The following CHL1 variants were observed in gnomAD, a reference collection of about 807,000 sequenced individuals.
The protein encoded by CHL1 is cell adhesion molecule L1 like.
A neutral mutation model predicts 141.9 loss-of-function variants in CHL1; 96 were observed. That is an observed-to-expected ratio of 0.68 (90% CI 0.57 to 0.80). CHL1 has a LOEUF of 0.80. CHL1 is among the 30% of genes least tolerant of loss of function. The pLI is 0.00. For synonymous variants in CHL1, 613 were observed against 502.2 expected (o/e 1.22, Z -2.95); for missense variants, 1,820 against 1,457.2 (o/e 1.25, Z -4.05).
In CHL1 at chr3:390,706, G is replaced by A. The variant is rs1490311041; in HGVS notation, c.2476G>A (p.Asp826Asn). ...CAATCTTCTATGATTAACAGATCCT[G>A]ATACAGCTCCAGTGATCCATGGGGT... ...VTLYSGEDYPDTAPVIHGVDV... is the reference protein window; with the variant it reads ...VTLYSGEDYPNTAPVIHGVDV... The change falls in exon 21 of 28, where the codon GAT (aspartate) becomes AAT (asparagine). Residue 826 changes from aspartate to asparagine, a missense_variant. Asp to Asn is a conservative substitution (Grantham distance 23). Coordinates refer to ENST00000256509, the MANE Select transcript of CHL1 (RefSeq NM_006614.4). 1 of 1,557,688 alleles carries A rather than the reference G, an allele frequency of 6.4e-7. No homozygotes were observed. Among genetic ancestry groups the A allele is most frequent in the South Asian group, 1.1e-5 (1 of 89,722 alleles).
At chr3:223,940 T>G (rs1393555309) in intron 1 of CHL1, among the ~76,000 whole-genome samples, 1 of 152,152 alleles carries the variant, frequency 6.6e-6, no homozygotes, top group Non-Finnish European at 1.5e-5. Flanking sequence ...CAGATCCTGG[T>G]GGAGTCAGCT....
chr3:367,791 G>C (rs1441968714), intron 15 of CHL1, among the ~76,000 whole-genome samples: 1 of 151,932 alleles, frequency 6.6e-6, no homozygotes, highest in Non-Finnish European at 1.5e-5. Context: ...CCCTCCCCTT[G>C]CCCTCCACAC....
intron 1 of CHL1, chr3:197,637 G>GC (rs770994642): frequency 8.2e-6 from 3 of 366,460 alleles, no homozygotes; most frequent in East Asian, 1.5e-4. Flanking sequence ...GCCCGGGGGG[G>GC]GTTCCGAAAA....
chr3:301,091 T>A (rs533928052), intron 2 of CHL1, among the ~76,000 whole-genome samples: 100 of 152,250 alleles, frequency 6.6e-4, no homozygotes, highest in Non-Finnish European at 1.1e-3. Context: ...TTCCATTTTT[T>A]AAAAATATTA....
intron 2 of CHL1, among the ~76,000 whole-genome samples, chr3:265,511 A>C (rs1034620314): frequency 6.6e-6 from 1 of 152,212 alleles, no homozygotes; most frequent in Non-Finnish European, 1.5e-5. Context: ...CCTTTTAGTC[A>C]AAAAATGCAC....
intron 26 of CHL1, among the ~76,000 whole-genome samples, chr3:401,187 C>A (rs1286471307): frequency 1.3e-5 from 2 of 152,156 alleles, no homozygotes; most frequent in Non-Finnish European, 2.9e-5. Context: ...CAGGCATGAG[C>A]CACCACATCC....
chr3:216,995 G>A (rs1012371410), intron 1 of CHL1, among the ~76,000 whole-genome samples: 3 of 152,172 alleles, frequency 2.0e-5, no homozygotes, highest in African/African-American at 7.2e-5. Flanking sequence ...TTTGTGCTCA[G>A]TCTGCTACAA....
rs1163184474 is a variant in CHL1 at position 196,981 on chromosome 3, C to T, written c.-257C>T. 2 of 152,254 alleles carry T rather than the reference C, an allele frequency of 1.3e-5. No homozygotes were observed. The highest frequency in any genetic ancestry group is 2.4e-5 in the African/African-American group (1 of 41,446). 9.4% of individuals were successfully genotyped at this position (152,254 alleles called of 1,614,324 possible). ...CCAGAGCTTACCGGACCCTGCGCGCCCCCGTCCCGGCTCCCGGCCGGCTCG... is the reference window on the plus strand; with the variant it reads ...CCAGAGCTTACCGGACCCTGCGCGCTCCCGTCCCGGCTCCCGGCCGGCTCG... On this transcript the variant is annotated 5_prime_UTR_variant, in exon 1 of 28. Transcript: ENST00000256509.
intron 1 of CHL1, among the ~76,000 whole-genome samples, chr3:221,132 C>T (rs574208464): frequency 2.0e-5 from 3 of 152,242 alleles, no homozygotes; most frequent in African/African-American, 7.2e-5. Context: ...CAGAATGAAC[C>T]AATGTACATG....
At chr3:405,474 T>A (rs373583207) in intron 27 of CHL1, 21 bp from the exon 28 acceptor site, 22 of 1,508,838 alleles carry the variant, frequency 1.5e-5, no homozygotes, top group Non-Finnish European at 1.9e-5. Flanking sequence ...GTTGAGCTAT[T>A]TTTGTTTGTT....
In CHL1 at chr3:370,565, A is replaced by G. The variant is rs141429136; in HGVS notation, c.1751+4450A>G. ...AAAAAAAAAACCAGCTCCTGGATTC[A>G]TTTATTTTTTTGGAGGGTTTTTCAT... On this transcript the variant is annotated intron_variant, in intron 15 of 27. Coordinates refer to ENST00000256509, the MANE Select transcript of CHL1 (RefSeq NM_006614.4). 2.8e-4 allele frequency among the ~76,000 whole-genome samples: 41 copies of G among 146,844 alleles called. No individual in the cohort carries two copies. The East Asian group carries it at 7.9e-3, about 28-fold the overall frequency.
At chr3:329,591 A>T (rs934957612) in intron 5 of CHL1, among the ~76,000 whole-genome samples, 2 of 152,000 alleles carry the variant, frequency 1.3e-5, no homozygotes, top group African/African-American at 4.8e-5. Flanking sequence ...AGAGAAAAAA[A>T]GTAAGACAAG....
intron 2 of CHL1, among the ~76,000 whole-genome samples, chr3:291,271 T>G (rs1163793273): frequency 1.3e-5 from 2 of 152,058 alleles, no homozygotes; most frequent in African/African-American, 4.8e-5. Flanking sequence ...ACACAAAACT[T>G]AAACTCATAA....
At chr3:255,910 G>T (rs953885388) in intron 2 of CHL1, among the ~76,000 whole-genome samples, 1 of 152,250 alleles carries the variant, frequency 6.6e-6, no homozygotes. Flanking sequence ...TGAACCATCG[G>T]TTTTTTACAC....
intron 2 of CHL1, chr3:309,074 A>G (rs1040249608): frequency 6.6e-6 from 1 of 152,212 alleles, no homozygotes; most frequent in African/African-American, 2.4e-5. Context: ...GCTGTGGGTC[A>G]CACGCAGACA....
chr3:360,757 A>G (rs1413311451), intron 12 of CHL1, among the ~76,000 whole-genome samples: 2 of 85,896 alleles, frequency 2.3e-5, no homozygotes, highest in African/African-American at 1.0e-4. Context: ...CCACCCCACA[A>G]CAGTCCCCAG....
At position 405,543 on chromosome 3, in the gene CHL1, G is replaced by T. The variant is rs1401484709; in HGVS notation, c.3507G>T (p.Arg1169Ser). The T allele has an allele frequency of 6.2e-7, 1 of 1,613,240 alleles. No individual in the cohort carries two copies. The highest frequency in any genetic ancestry group is 8.5e-7 in the Non-Finnish European group (1 of 1,179,494). The change falls in exon 28 of 28, where the codon AGG becomes AGT. Residue 1169 changes from arginine to serine, a missense_variant. Arg to Ser is a moderately radical substitution (Grantham distance 110). Transcript: ENST00000256509. ...AAGGAAGCCTTCGGTCCCTTAATAG[G>T]GATATGCAGCCTACTGAAAGTGCTG... is the stretch of plus-strand genomic sequence containing the variant. ...PLKGSLRSLNRDMQPTESADS... is the reference protein window; with the variant it reads ...PLKGSLRSLNSDMQPTESADS...
In CHL1 at chr3:408,601, G is replaced by A. The variant is rs1036344953; in HGVS notation, c.*2890G>A. The A allele has an allele frequency of 2.0e-5, 3 of 152,022 alleles. No homozygotes were observed. Among genetic ancestry groups the A allele is most frequent in the Non-Finnish European group, 2.9e-5 (2 of 67,986 alleles). 9.4% of individuals were successfully genotyped at this position (152,022 alleles called of 1,614,324 possible). A position where few individuals can be genotyped will look rare whatever the true frequency, so the allele number is the denominator to read the frequency against. On this transcript the variant is annotated 3_prime_UTR_variant, in exon 28 of 28. Transcript: ENST00000256509. ...CCTTTAACTAATTATGTATCTGAAA[G>A]TCACCCCCACATACCAACTCAACTT...
chr3:345,347 C>T (rs9810056), intron 9 of CHL1, among the ~76,000 whole-genome samples: 42,433 of 151,728 alleles, frequency 0.28, 6,010 homozygotes, highest in East Asian at 0.37. Context: ...CTCTGCTGCC[C>T]TTTGCACACA....
Sources: gnomAD v4.1 joint callset for allele counts (sites outside exome capture counted in the v4.1 genomes callset) on GRCh38, gnomAD v4.1.1 for gene constraint, MANE v1.5 for transcripts, NCBI Gene and HGNC (gene_info 2026-07-23, HGNC 2026-07-21) for gene names.